The following HCRTR1 variants were observed in gnomAD, a reference collection of about 807,000 sequenced individuals.
HCRTR1 encodes the protein hypocretin receptor 1, also known as orexin/Hypocretin receptor type 1.
HCRTR1 carries 28 observed loss-of-function variants against 40.6 expected under a neutral mutation model. The ratio of observed to expected loss-of-function variants is 0.69; its 90% confidence interval spans 0.51 to 0.95. HCRTR1 has a LOEUF of 0.95. Among genes scored for constraint, HCRTR1 ranks in the 40% least tolerant of loss-of-function variants. The probability of loss-of-function intolerance (pLI) is 0.00; values close to 1 mark genes in which losing one functional copy is unlikely to be tolerated. For synonymous variants in HCRTR1, 209 were observed against 230.0 expected (o/e 0.91, Z 0.83); for missense variants, 482 against 564.7 (o/e 0.85, Z 1.48).
downstream of HCRTR1, chr1:31,632,695 C>G (rs577881109): frequency 8.7e-5 from 138 of 1,582,636 alleles, no homozygotes; most frequent in East Asian, 3.1e-3. Flanking sequence ...GGCCAAGGGT[C>G]CCCCTCAGGA....
chr1:31,619,518 G>A lies in HCRTR1; in HGVS notation c.200-14G>A, dbSNP rs369415268. The A allele has an allele frequency of 3.8e-5, 61 of 1,613,816 alleles. No individual in the cohort carries two copies. In the East Asian group the frequency reaches 7.8e-4, roughly 21 times the overall value. On this transcript the variant is annotated splice_polypyrimidine_tract_variant and intron_variant, in intron 3 of 8. Transcript: ENST00000403528. ...GTGGCTCTGCCACCAGCTTCACCTC[G>A]CTGCACCCTGCAGTCTGCCTGGCCG...
chr1:31,627,234 T>C lies in HCRTR1; in HGVS notation c.*254T>C, dbSNP rs1276857087. ...CATGATTATTGTTGTACTTCTCTCA[T>C]TTGGCCATACCCCACAGTATAATCT... is the stretch of plus-strand genomic sequence containing the variant. On this transcript the variant is annotated 3_prime_UTR_variant, in exon 9 of 9. Coordinates refer to ENST00000403528, the MANE Select transcript of HCRTR1 (RefSeq NM_001525.3). 1.0e-5 allele frequency: 15 copies of C among 1,489,878 alleles called. No homozygotes were observed. The highest frequency in any genetic ancestry group is 8.2e-5 in the Admixed American group (4 of 48,740). The allele number at this position is 1,489,878 out of a possible 1,614,324, so 92.3% of individuals were successfully genotyped here.
At chr1:31,632,420 C>A (rs1319047519), downstream of HCRTR1, 20 of 1,606,778 alleles carry the variant, frequency 1.2e-5, no homozygotes, top group African/African-American at 2.7e-5. Context: ...GAGGAAACCC[C>A]TTTGTTGTAT....
At chr1:31,619,458 G>A in intron 3 of HCRTR1, 67 bp downstream of exon 3, 4 of 1,611,952 alleles carry the variant, frequency 2.5e-6, no homozygotes, top group Non-Finnish European at 3.4e-6. Context: ...TTGTGTGGGA[G>A]GAGGGCTCGC....
At position 31,619,279 on chromosome 1, in the gene HCRTR1, T is replaced by C. The variant is rs1446677585; in HGVS notation, c.87T>C (p.Asp29=). The part of the protein sequence containing the change: ...EPSPVPPDYE[D]EFLRYLWRDY... ...CCCCTGTGCCTCCAGACTATGAAGA[T>C]GAGTTTCTCCGCTATCTGTGGCGCG... The change falls in exon 3 of 9, where the codon GAT becomes GAC. Residue 29 remains aspartate, a synonymous_variant. Transcript: ENST00000403528. 2.5e-6 allele frequency: 4 copies of C among 1,612,110 alleles called. No individual in the cohort carries two copies. Among genetic ancestry groups the C allele is most frequent in the African/African-American group, 1.3e-5 (1 of 74,986 alleles).
Position 31,623,559 on chromosome 1 carries a change from A to G in HCRTR1, c.775A>G (p.Lys259Glu), listed in dbSNP as rs1193144603. ...GTTSALVRNW[K>E]RPSDQLGDLE... ...CACCTCAGCACTGGTGCGGAACTGG[A>G]AGCGCCCCTCAGACCAGCTGGGGGA... The change falls in exon 7 of 9, where the codon AAG (lysine) becomes GAG (glutamate). Residue 259 changes from lysine (K) to glutamate (E), a missense_variant. By Grantham distance (56) the Lys-to-Glu change is moderately conservative (BLOSUM62 1). Transcript: ENST00000403528. The G allele has an allele frequency of 3.1e-6, 5 of 1,613,400 alleles. No individual in the cohort carries two copies. Among genetic ancestry groups the G allele is most frequent in the Non-Finnish European group, 3.4e-6 (4 of 1,179,970 alleles).
Position 31,620,765 on chromosome 1 carries a change from C to T in HCRTR1, c.379-78C>T, listed in dbSNP as rs960709272. On this transcript the variant is annotated intron_variant, in intron 4 of 8. Transcript: ENST00000403528. The stretch of plus-strand genomic sequence containing the variant: ...AGGATTTGCACTGCCCTGCACCTGC[C>T]GTCAGCCTCCTCACTCACCTACTCT... The T allele has an allele frequency of 5.2e-6, 8 of 1,551,068 alleles. No homozygotes were observed. In the East Asian group the frequency reaches 9.0e-5, roughly 17 times the overall value.
downstream of HCRTR1, among the ~76,000 whole-genome samples, chr1:31,629,506 G>A (rs1218595224): frequency 3.3e-5 from 5 of 152,158 alleles, no homozygotes; most frequent in African/African-American, 1.2e-4. Flanking sequence ...TGGGGAGAAC[G>A]TTATGACTTA....
In HCRTR1 at chr1:31,617,718, T is replaced by G. The variant is rs908978113; in HGVS notation, c.-367T>G. On this transcript the variant is annotated 5_prime_UTR_variant, in exon 1 of 9. Coordinates refer to ENST00000403528, the MANE Select transcript of HCRTR1 (RefSeq NM_001525.3). The stretch of plus-strand genomic sequence containing the variant: ...CCCGCGCAGTTGCCGCGGATCGTGC[T>G]GAGCCCCGCGAGCCGAGGCAGCGCA... 3 of 151,552 alleles carry G rather than the reference T, an allele frequency of 2.0e-5. No individual in the cohort carries two copies. The highest frequency in any genetic ancestry group is 2.0e-4 in the Admixed American group (3 of 15,264). The allele number at this position is 151,552 out of a possible 1,614,324, so 9.4% of individuals were successfully genotyped here.
At chr1:31,628,184 T>C (rs1480491522), downstream of HCRTR1, among the ~76,000 whole-genome samples, 1 of 152,230 alleles carries the variant, frequency 6.6e-6, no homozygotes, top group Non-Finnish European at 1.5e-5. Context: ...ACTTGATTAA[T>C]AGAGCTGTGG....
chr1:31,623,917 G>A (rs921625038), intron 7 of HCRTR1, among the ~76,000 whole-genome samples, 168 bp downstream of exon 7: 1 of 152,118 alleles, frequency 6.6e-6, no homozygotes, highest in African/African-American at 2.4e-5. Flanking sequence ...GAAAATTCAC[G>A]CATTCATTCA....
chr1:31,623,946 G>C (rs1380154160), intron 7 of HCRTR1, among the ~76,000 whole-genome samples, 197 bp downstream of exon 7: 2 of 152,202 alleles, frequency 1.3e-5, no homozygotes, highest in Non-Finnish European at 2.9e-5. Flanking sequence ...TCACATTTTA[G>C]GGGGCTGGAA....
downstream of HCRTR1, chr1:31,630,672 C>T: frequency 6.2e-7 from 1 of 1,613,674 alleles, no homozygotes; most frequent in South Asian, 1.1e-5. Flanking sequence ...CGAATGTTGC[C>T]TTGTACAGCT....
chr1:31,627,581 C>T lies in HCRTR1; in HGVS notation c.*601C>T, dbSNP rs1570260065. The T allele has an allele frequency of 8.8e-6, 3 of 342,624 alleles. No homozygotes were observed. Among genetic ancestry groups the T allele is most frequent in the East Asian group, 7.8e-5 (1 of 12,852 alleles). The allele number at this position is 342,624 out of a possible 1,614,324, so 21.2% of individuals were successfully genotyped here. On this transcript the variant is annotated 3_prime_UTR_variant, in exon 9 of 9. Coordinates refer to ENST00000403528, the MANE Select transcript of HCRTR1 (RefSeq NM_001525.3). ...CCACTTGGCAGAGAGGCCAGCAGCC[C>T]GAAGCAACTGTAATTAAAAGCCTGG...
At chr1:31,618,488 C>T (rs1639778117) in intron 1 of HCRTR1, among the ~76,000 whole-genome samples, 1 of 152,208 alleles carries the variant, frequency 6.6e-6, no homozygotes. Context: ...GCAGGTATGG[C>T]GGGTGGGGCT....
chr1:31,628,607 T>C (rs1640023518), downstream of HCRTR1, among the ~76,000 whole-genome samples: 1 of 152,212 alleles, frequency 6.6e-6, no homozygotes, highest in Non-Finnish European at 1.5e-5. Flanking sequence ...GAGACTACAA[T>C]TGGCACCATC....
chr1:31,621,548 GC>G lies in HCRTR1; in HGVS notation c.696del (p.Met233TrpfsTer40), dbSNP rs1299390794. ...CTACCTGGCCCCACTGGGCCTCATG[GC>G]CATGGCCTATTTCCAGATATTCCGC... is the stretch of plus-strand genomic sequence containing the variant. ...VTYLAPLGLM[A>X]MAYFQIFRKL... is the part of the protein sequence containing the mutation. On this transcript the variant is annotated frameshift_variant, in exon 6 of 9. Coordinates refer to ENST00000403528, the MANE Select transcript of HCRTR1 (RefSeq NM_001525.3). LOFTEE classifies it high-confidence loss of function. The G allele has an allele frequency of 6.2e-6, 10 of 1,613,890 alleles. No homozygotes were observed. Among genetic ancestry groups the G allele is most frequent in the Non-Finnish European group, 8.5e-6 (10 of 1,180,028 alleles).
At position 31,621,468 on chromosome 1, in the gene HCRTR1, C is replaced by T. The variant is rs1325947260; in HGVS notation, c.623-9C>T. 2 of 1,584,990 alleles carry T rather than the reference C, an allele frequency of 1.3e-6. No individual in the cohort carries two copies. The highest frequency in any genetic ancestry group is 2.2e-5 in the South Asian group (2 of 90,528). On this transcript the variant is annotated splice_polypyrimidine_tract_variant and intron_variant, in intron 5 of 8. Coordinates refer to ENST00000403528, the MANE Select transcript of HCRTR1 (RefSeq NM_001525.3). Reference sequence around the variant, plus strand: ...TTGGGCCTGACTCTGCATCTCTTGACCCCTGCAGATGACCTCTATCCCAAG... The same window carrying T: ...TTGGGCCTGACTCTGCATCTCTTGATCCCTGCAGATGACCTCTATCCCAAG...
In HCRTR1 at chr1:31,623,874, CTT is replaced by C. The variant is rs1557579015; in HGVS notation, c.965+126_965+127del. The stretch of plus-strand genomic sequence containing the variant: ...ATGTGATCTTGGGCAGGCCATTTCT[CTT>C]CTCTGAGCCTCCATCTCCTAGGGCT... On this transcript the variant is annotated intron_variant, in intron 7 of 8. Coordinates refer to ENST00000403528, the MANE Select transcript of HCRTR1 (RefSeq NM_001525.3). 6 of 668,236 alleles carry C rather than the reference CTT, an allele frequency of 9.0e-6. No individual in the cohort carries two copies. The African/African-American group carries it at 1.1e-4, about 12-fold the overall frequency. The allele number at this position is 668,236 out of a possible 1,614,324, so 41.4% of individuals were successfully genotyped here. A position where few individuals can be genotyped will look rare whatever the true frequency, so the allele number is the denominator to read the frequency against.
Sources: allele counts gnomAD v4.1 joint callset (sites outside exome capture counted in the v4.1 genomes callset), GRCh38; gene constraint gnomAD v4.1.1; transcripts MANE v1.5; gene names NCBI Gene and HGNC (gene_info 2026-07-23, HGNC 2026-07-21).